The following GPHN variants were observed in gnomAD, a reference collection of about 807,000 sequenced individuals.
GPHN encodes gephyrin.
Under a neutral mutation model 95.5 loss-of-function variants are expected in GPHN, and 17 were observed. The observed-to-expected ratio is 0.18, with a 90% confidence interval of 0.12 to 0.27. The LOEUF is 0.27. Ranked by LOEUF, GPHN falls within the 10% of genes least tolerant of loss-of-function variation. The probability of loss-of-function intolerance (pLI) is 1.00; values close to 1 mark genes in which losing one functional copy is unlikely to be tolerated. For synonymous variants in GPHN, 320 were observed against 322.5 expected, an observed-to-expected ratio of 0.99 and a Z score of 0.08; for missense variants, 660 against 978.1, an observed-to-expected ratio of 0.67 and a Z score of 4.34.
chr14:67,319,531 T>G, the GPHN span, among the ~76,000 whole-genome samples: 1 of 151,852 alleles, frequency 6.6e-6, no homozygotes. Context: ...AATCTTGTGG[T>G]TTCCCTGGGC....
chr14:67,109,267 C>G (rs545478204), intron 13 of GPHN, among the ~76,000 whole-genome samples: 1 of 152,112 alleles, frequency 6.6e-6, no homozygotes, highest in African/African-American at 2.4e-5. Flanking sequence ...AATCTTTTGG[C>G]AGGGGGGATT....
At chr14:67,061,281 TCCAC>T (rs1248277824) in intron 11 of GPHN, among the ~76,000 whole-genome samples, 1 of 152,166 alleles carries the variant, frequency 6.6e-6, no homozygotes, top group Non-Finnish European at 1.5e-5. Context: ...TCTCAGGTGA[TCCAC>T]CCACCTCGAC....
chr14:67,047,889 G>A (rs2075116028), intron 10 of GPHN, among the ~76,000 whole-genome samples: 1 of 152,178 alleles, frequency 6.6e-6, no homozygotes, highest in African/African-American at 2.4e-5. Flanking sequence ...TGAGCCAGCA[G>A]GTCAAAGTTG....
intron 10 of GPHN, among the ~76,000 whole-genome samples, chr14:67,052,046 A>G (rs564503999): frequency 1.3e-5 from 2 of 152,314 alleles, no homozygotes; most frequent in Non-Finnish European, 2.9e-5. Context: ...CGAAGCAACT[A>G]CATCAACAAG....
intron 1 of GPHN, among the ~76,000 whole-genome samples, chr14:66,605,103 G>A (rs539972913): frequency 2.6e-5 from 4 of 152,026 alleles, no homozygotes; most frequent in East Asian, 1.9e-4. Flanking sequence ...CTCTACCATC[G>A]ATGGGCACCT....
the GPHN span, among the ~76,000 whole-genome samples, chr14:67,367,846 AAG>A: frequency 1.3e-5 from 2 of 152,086 alleles, no homozygotes; most frequent in African/African-American, 4.8e-5. Flanking sequence ...AAAAAAAAAA[AAG>A]AGAGAGGTGA....
At chr14:66,767,935 G>C (rs1427654921) in intron 2 of GPHN, among the ~76,000 whole-genome samples, 2 of 151,856 alleles carry the variant, frequency 1.3e-5, no homozygotes, top group Non-Finnish European at 2.9e-5. Context: ...AGATCTAATA[G>C]TCATAATGAA....
At chr14:67,443,167 G>A in the GPHN span, among the ~76,000 whole-genome samples, 1 of 152,118 alleles carries the variant, frequency 6.6e-6, no homozygotes, top group South Asian at 2.1e-4. Flanking sequence ...GATACACTGA[G>A]CTATGACTGC....
At chr14:66,739,102 A>C (rs567569586) in intron 2 of GPHN, among the ~76,000 whole-genome samples, 43 of 152,236 alleles carry the variant, frequency 2.8e-4, no homozygotes, top group African/African-American at 9.4e-4. Flanking sequence ...TGAACATGAC[A>C]GGGGCTTAAG....
chr14:66,977,208 G>A (rs1423177854), intron 9 of GPHN, among the ~76,000 whole-genome samples: 1 of 152,114 alleles, frequency 6.6e-6, no homozygotes, highest in African/African-American at 2.4e-5. Flanking sequence ...GAGGCGGATG[G>A]ATCACGAGGC....
Position 67,067,814 on chromosome 14 carries a change from A to G in GPHN, c.1144+9028A>G, listed in dbSNP as rs182604629. On this transcript the variant is annotated intron_variant, in intron 11 of 22. Coordinates refer to ENST00000478722, the MANE Select transcript of GPHN (RefSeq NM_020806.5). ...CAGTTGCTAAGACTGTGGGAAAAGC[A>G]CAGGATTTGGGCAGGAATGCCCCGT... Among the ~76,000 whole-genome samples, 762 of 152,332 alleles carry G rather than the reference A, an allele frequency of 5.0e-3. 7 individuals are homozygous for G. The highest frequency in any genetic ancestry group is 0.031 in the Middle Eastern group (9 of 294).
Position 67,016,834 on chromosome 14 carries a change from C to A in GPHN, c.964-6799C>A, listed in dbSNP as rs577726177. Among the ~76,000 whole-genome samples the A allele has an allele frequency of 2.6e-5, 4 of 152,192 alleles. No homozygotes were observed. The East Asian group carries it at 7.7e-4, about 29-fold the overall frequency. ...CATGATTTGTAGCAAATTCTTTATT[C>A]TTATTGTGCCTCAGATTCTACCTAT... On this transcript the variant is annotated intron_variant, in intron 9 of 22. Coordinates refer to ENST00000478722, the MANE Select transcript of GPHN (RefSeq NM_020806.5).
intron 10 of GPHN, among the ~76,000 whole-genome samples, chr14:67,028,205 TCTA>T (rs1172283114): frequency 6.6e-6 from 1 of 152,238 alleles, no homozygotes; most frequent in Admixed American, 6.5e-5. Context: ...TGACAGAATT[TCTA>T]CTATTTTAAA....
At chr14:67,218,408 G>A in the GPHN span, among the ~76,000 whole-genome samples, 1 of 152,182 alleles carries the variant, frequency 6.6e-6, no homozygotes, top group Non-Finnish European at 1.5e-5. Context: ...TGGAACACAA[G>A]TGCAAGTCTG....
the GPHN span, chr14:67,573,835 A>G: frequency 6.2e-7 from 1 of 1,613,764 alleles, no homozygotes; most frequent in African/African-American, 1.3e-5. This position sits in a 1 kb window ranked among gnomAD's most constrained non-coding sequence, Gnocchi z 4.8. Flanking sequence ...GGCCAAGTGG[A>G]TCTGAACTCC....
the GPHN span, chr14:67,599,945 G>A: frequency 1.6e-6 from 2 of 1,237,928 alleles, no homozygotes; most frequent in East Asian, 2.9e-5. Context: ...AGAGGTCCGG[G>A]CTCGACCAAA....
the GPHN span, chr14:67,582,251 C>T: frequency 6.2e-7 from 1 of 1,612,566 alleles, no homozygotes; most frequent in Non-Finnish European, 8.5e-7. The surrounding 1 kb of genome is among the most constrained non-coding windows in gnomAD (Gnocchi z 5.0). Flanking sequence ...GGGTTGCCAG[C>T]TTAGAATGAA....
chr14:67,332,820 T>G, the GPHN span: 1 of 1,613,498 alleles, frequency 6.2e-7, no homozygotes, highest in Non-Finnish European at 8.5e-7. Flanking sequence ...ACAAGAGAGA[T>G]GGAGCAGAAC....
intron 21 of GPHN, among the ~76,000 whole-genome samples, chr14:67,175,044 G>C (rs1306808867): frequency 6.6e-6 from 1 of 152,064 alleles, no homozygotes; most frequent in Admixed American, 6.5e-5. Context: ...TCACTCTGAT[G>C]GTAGTTTCTT....
Sources: allele counts gnomAD v4.1 joint callset (sites outside exome capture counted in the v4.1 genomes callset), GRCh38; gene constraint gnomAD v4.1.1; non-coding constraint Gnocchi (gnomAD v3.1); transcripts MANE v1.5; gene names NCBI Gene and HGNC (gene_info 2026-07-23, HGNC 2026-07-21).